The following ANAPC4 variants were observed in gnomAD, a reference collection of about 807,000 sequenced individuals.
The protein encoded by ANAPC4 is anaphase-promoting complex subunit 4.
Under a neutral mutation model 119.8 loss-of-function variants are expected in ANAPC4, and 63 were observed. The observed-to-expected ratio is 0.53, with a 90% CI of 0.43 to 0.65. The LOEUF is 0.65. ANAPC4 is among the 30% of genes least tolerant of loss of function. ANAPC4 has a pLI of 0.00. For synonymous variants in ANAPC4, 283 were observed against 318.6 expected (o/e 0.89, Z 1.19); for missense variants, 716 against 945.1 (o/e 0.76, Z 3.18).
At chr4:25,395,135 T>C (rs1206314964) in intron 14 of ANAPC4, 1 of 408,646 alleles carries the variant, frequency 2.4e-6, no homozygotes, top group Non-Finnish European at 4.3e-6. Context: ...AGACTCTATC[T>C]GGGTTTTTTT....
chr4:25,414,519 C>T lies in ANAPC4; in HGVS notation c.1724+15C>T, dbSNP rs1443631576. ...TTTCCTTTTCTGTAAGTATATATTT[C>T]TTCCCTATCTTGAGTGAACAATACA... On this transcript the variant is annotated intron_variant, in intron 24 of 28. Transcript: ENST00000315368. 6.3e-7 allele frequency: 1 copy of T among 1,590,930 alleles called. No homozygotes were observed. The highest frequency in any genetic ancestry group is 2.2e-5 in the East Asian group (1 of 44,450).
intron 10 of ANAPC4, among the ~76,000 whole-genome samples, chr4:25,392,970 T>C (rs1485693793): frequency 4.6e-5 from 7 of 152,144 alleles, no homozygotes; most frequent in Non-Finnish European, 1.0e-4. Flanking sequence ...CAAGTGGAAG[T>C]GTACAAAGAC....
intron 3 of ANAPC4, 55 bp downstream of exon 3, chr4:25,380,534 T>C: frequency 3.9e-6 from 5 of 1,288,800 alleles, no homozygotes; most frequent in South Asian, 1.5e-5. Context: ...GAGTATTCTG[T>C]AAAGCCCATT....
At chr4:25,390,617 G>C (rs1329691012) in intron 8 of ANAPC4, among the ~76,000 whole-genome samples, 1 of 152,172 alleles carries the variant, frequency 6.6e-6, no homozygotes, top group East Asian at 1.9e-4. Flanking sequence ...TTTTTCATCA[G>C]ACTCTTACAC....
intron 20 of ANAPC4, among the ~76,000 whole-genome samples, chr4:25,409,072 C>T (rs1050590589): frequency 6.6e-6 from 1 of 152,106 alleles, no homozygotes; most frequent in Non-Finnish European, 1.5e-5. Context: ...ACCATCAGTA[C>T]AAATGTTAGC....
At position 25,405,705 on chromosome 4, in the gene ANAPC4, T is replaced by G; in HGVS notation, c.1317+86T>G. 7.6e-7 allele frequency: 1 copy of G among 1,308,352 alleles called. No homozygotes were observed. Among genetic ancestry groups the G allele is most frequent in the Non-Finnish European group, 1.1e-6 (1 of 917,516 alleles). The allele number at this position is 1,308,352 out of a possible 1,614,324, so 81.0% of individuals were successfully genotyped here. ...TGGTCATTTTGGTACTCTTATTCAG[T>G]TATTAGTTAACAGGATGTCAGGATG... On this transcript the variant is annotated intron_variant, in intron 18 of 28. Transcript: ENST00000315368. The surrounding 1 kb of genome is among the most constrained non-coding windows in gnomAD (Gnocchi z 4.6).
At chr4:25,396,638 A>C in intron 14 of ANAPC4, 26 bp from the exon 15 acceptor site, 1 of 1,503,886 alleles carries the variant, frequency 6.6e-7, no homozygotes, top group Non-Finnish European at 9.0e-7. Context: ...TCATGATACT[A>C]ATTTATTTCT....
intron 17 of ANAPC4, among the ~76,000 whole-genome samples, chr4:25,403,628 C>T (rs1055328185): frequency 2.0e-5 from 3 of 152,128 alleles, no homozygotes; most frequent in Non-Finnish European, 2.9e-5. Context: ...CTCTGCTGTC[C>T]ACTGTGGTAG....
chr4:25,389,914 G>A (rs767980222), intron 7 of ANAPC4, among the ~76,000 whole-genome samples: 11 of 152,082 alleles, frequency 7.2e-5, no homozygotes, highest in Non-Finnish European at 1.6e-4. Context: ...ACTGTAAGCT[G>A]ATTTTTTTTT....
At chr4:25,395,838 C>G (rs1722618224) in intron 14 of ANAPC4, among the ~76,000 whole-genome samples, 1 of 152,210 alleles carries the variant, frequency 6.6e-6, no homozygotes, top group African/African-American at 2.4e-5. Context: ...GTAGCACCCT[C>G]TGGACTAGTT....
chr4:25,380,753 G>C (rs1218023601), intron 3 of ANAPC4: 1 of 283,254 alleles, frequency 3.5e-6, no homozygotes, highest in Admixed American at 4.7e-5. Flanking sequence ...AAAATGTTTT[G>C]GTTTTGTTCT....
intron 11 of ANAPC4, 59 bp downstream of exon 11, chr4:25,393,950 C>T (rs1032520631): frequency 7.6e-7 from 1 of 1,319,628 alleles, no homozygotes; most frequent in Non-Finnish European, 1.1e-6. Flanking sequence ...TATGTCTTTA[C>T]CTTGAGGTAC....
intron 27 of ANAPC4, 77 bp from the exon 28 acceptor site, chr4:25,417,539 C>A: frequency 7.1e-7 from 1 of 1,413,222 alleles, no homozygotes; most frequent in South Asian, 1.7e-5. Context: ...CATAATTGAC[C>A]CTAATACCAC....
chr4:25,408,460 A>G (rs1015086231), intron 20 of ANAPC4, among the ~76,000 whole-genome samples: 2 of 151,880 alleles, frequency 1.3e-5, no homozygotes, highest in African/African-American at 4.8e-5. Flanking sequence ...CATTAATAGC[A>G]CCACCAATTT....
intron 4 of ANAPC4, among the ~76,000 whole-genome samples, chr4:25,384,328 A>G (rs10004635): frequency 0.053 from 8,089 of 152,192 alleles, 274 homozygotes; most frequent in South Asian, 0.14. Flanking sequence ...GAACCCCTCA[A>G]AGTCATCCAT....
intron 18 of ANAPC4, among the ~76,000 whole-genome samples, chr4:25,406,386 T>C (rs781721534): frequency 3.9e-5 from 6 of 152,194 alleles, no homozygotes; most frequent in Non-Finnish European, 7.4e-5. Flanking sequence ...TTCTGAGGGC[T>C]GAAGAACTAA....
At chr4:25,402,493 C>G (rs1407479450) in intron 16 of ANAPC4, among the ~76,000 whole-genome samples, 1 of 152,142 alleles carries the variant, frequency 6.6e-6, no homozygotes, top group Non-Finnish European at 1.5e-5. Context: ...GATAAAAAAT[C>G]AGCTTCCAAA....
At chr4:25,418,073 T>C in intron 28 of ANAPC4, 82 bp from the exon 29 acceptor site, 1 of 1,292,670 alleles carries the variant, frequency 7.7e-7, no homozygotes, top group Non-Finnish European at 1.1e-6. Context: ...AACCATTCTT[T>C]GATTCAGACT....
chr4:25,399,981 A>T (rs1246023177), intron 16 of ANAPC4, among the ~76,000 whole-genome samples: 1 of 152,236 alleles, frequency 6.6e-6, no homozygotes, highest in Middle Eastern at 3.2e-3. Context: ...TGCTAAGTCA[A>T]GCAAGGGAAA....
Sources: gnomAD v4.1 joint callset for allele counts (sites outside exome capture counted in the v4.1 genomes callset) on GRCh38, gnomAD v4.1.1 for gene constraint, Gnocchi (gnomAD v3.1) non-coding constraint, MANE v1.5 for transcripts, NCBI Gene and HGNC (gene_info 2026-07-23, HGNC 2026-07-21) for gene names.